Variants in KDM4C observed in about 807,000 individuals in gnomAD.
The protein encoded by KDM4C is lysine demethylase 4C.
KDM4C carries 81 observed loss-of-function variants against 129.3 expected under a neutral mutation model. That is an observed-to-expected ratio of 0.63 (90% confidence interval 0.52 to 0.75). KDM4C has a LOEUF of 0.75. Among genes scored for constraint, KDM4C ranks in the 30% least tolerant of loss-of-function variants. The pLI, the probability that KDM4C is intolerant of heterozygous loss-of-function variation, is 0.00. For missense variants in KDM4C, 1,457 were observed against 1,304.0 expected (o/e 1.12, Z -1.81); for synonymous variants, 573 against 456.1 (o/e 1.26, Z -3.26).
chr9:6,846,186 G>C (rs993607257), intron 4 of KDM4C, among the ~76,000 whole-genome samples: 11 of 152,318 alleles, frequency 7.2e-5, no homozygotes, highest in African/African-American at 2.6e-4. Context: ...GTTTTGAAAG[G>C]ATCAGGACTA....
In KDM4C at chr9:7,082,631, C is replaced by T. The variant is rs542568437; in HGVS notation, c.2425-21054C>T. On this transcript the variant is annotated intron_variant, in intron 17 of 21. Transcript: ENST00000381309. ...TGAGAGTCTTGCTTTGTTCCCTCAG[C>T]TGGCATTTGTCTGCTGACTTGACAC... 2.6e-5 allele frequency among the ~76,000 whole-genome samples: 4 copies of T among 152,310 alleles called. No homozygotes were observed. The South Asian group carries it at 8.3e-4, about 32-fold the overall frequency.
At chr9:7,112,865 A>T (rs1233028460) in intron 18 of KDM4C, among the ~76,000 whole-genome samples, 1 of 152,152 alleles carries the variant, frequency 6.6e-6, no homozygotes, top group Non-Finnish European at 1.5e-5. Context: ...TGTCTCTAAG[A>T]TCCTGGGTGT....
chr9:6,792,931 A>G, intron 1 of KDM4C, 41 bp from the exon 2 acceptor site: 2 of 1,600,362 alleles, frequency 1.2e-6, no homozygotes, highest in Non-Finnish European at 1.7e-6. Flanking sequence ...CCTAAAGCAT[A>G]TAATAATTCA....
chr9:6,803,010 G>A (rs1472814957), intron 2 of KDM4C, among the ~76,000 whole-genome samples: 1 of 152,202 alleles, frequency 6.6e-6, no homozygotes, highest in Non-Finnish European at 1.5e-5. Context: ...TGCAAAACTG[G>A]TGTATAGGTA....
At chr9:6,760,865 C>A (rs546770154) in intron 1 of KDM4C, among the ~76,000 whole-genome samples, 135 of 152,110 alleles carry the variant, frequency 8.9e-4, no homozygotes, top group Non-Finnish European at 1.5e-3. Context: ...AGCCACCGTG[C>A]CTGGCTTGGT....
intron 8 of KDM4C, among the ~76,000 whole-genome samples, chr9:6,963,333 G>A (rs1456702546): frequency 1.3e-5 from 2 of 152,192 alleles, no homozygotes; most frequent in Non-Finnish European, 2.9e-5. Context: ...AATTCATGCA[G>A]TAAATATTTA....
chr9:6,882,397 G>A (rs577136856), intron 6 of KDM4C, among the ~76,000 whole-genome samples: 12 of 152,298 alleles, frequency 7.9e-5, no homozygotes, highest in African/African-American at 2.4e-4. Flanking sequence ...TAATATTGCT[G>A]TTATATTAAG....
intron 19 of KDM4C, among the ~76,000 whole-genome samples, chr9:7,152,894 T>C (rs1330223460): frequency 5.9e-5 from 9 of 152,158 alleles, no homozygotes; most frequent in African/African-American, 2.2e-4. Flanking sequence ...GTATAGGATG[T>C]CCTAATTCTT....
intron 2 of KDM4C, among the ~76,000 whole-genome samples, chr9:6,801,368 G>A (rs1403259880): frequency 6.7e-6 from 1 of 148,546 alleles, no homozygotes; most frequent in East Asian, 2.0e-4. Context: ...AGAGTAGCTG[G>A]GACTACAGGT....
chr9:7,120,955 A>G (rs1839423783), intron 18 of KDM4C, among the ~76,000 whole-genome samples: 1 of 152,222 alleles, frequency 6.6e-6, no homozygotes, highest in African/African-American at 2.4e-5. Flanking sequence ...TTTTATATGT[A>G]GTATTTCAGA....
intron 1 of KDM4C, among the ~76,000 whole-genome samples, chr9:6,760,053 T>G (rs1218268563): frequency 1.3e-5 from 2 of 152,070 alleles, no homozygotes; most frequent in Non-Finnish European, 2.9e-5. Flanking sequence ...TTTTGAATTT[T>G]TTTAATCCCC....
intron 17 of KDM4C, among the ~76,000 whole-genome samples, chr9:7,068,170 A>G (rs1832702414): frequency 6.6e-6 from 1 of 152,098 alleles, no homozygotes; most frequent in Non-Finnish European, 1.5e-5. Flanking sequence ...TAGATTTAGG[A>G]GTCTTTAAAT....
chr9:6,934,843 T>A (rs1335769328), intron 8 of KDM4C, among the ~76,000 whole-genome samples: 1 of 152,080 alleles, frequency 6.6e-6, no homozygotes, highest in Non-Finnish European at 1.5e-5. Context: ...ATTACCAAGA[T>A]GAGGCAAAGT....
At chr9:6,723,719 G>A (rs960403381) in intron 1 of KDM4C, 1 of 151,582 alleles carries the variant, frequency 6.6e-6, no homozygotes, top group Admixed American at 6.6e-5. Flanking sequence ...TGCCTCTAAC[G>A]AAGGAAAGGA....
chr9:6,876,043 T>C (rs1272292164), intron 5 of KDM4C, among the ~76,000 whole-genome samples: 1 of 151,942 alleles, frequency 6.6e-6, no homozygotes, highest in Non-Finnish European at 1.5e-5. Flanking sequence ...GAGAGTTGAG[T>C]TTTGGATATT....
intron 8 of KDM4C, among the ~76,000 whole-genome samples, chr9:6,921,952 A>G (rs1821598859): frequency 6.6e-6 from 1 of 152,120 alleles, no homozygotes; most frequent in Non-Finnish European, 1.5e-5. Flanking sequence ...TCTCTGAAGT[A>G]TTGTTCAAAT....
intron 19 of KDM4C, among the ~76,000 whole-genome samples, chr9:7,147,740 A>C (rs1368228860): frequency 6.6e-6 from 1 of 152,182 alleles, no homozygotes; most frequent in Non-Finnish European, 1.5e-5. Context: ...AGGCAGACCC[A>C]GGGTGCTCCT....
At chr9:7,104,605 A>G (rs10491781) in intron 18 of KDM4C, among the ~76,000 whole-genome samples, 70,765 of 151,974 alleles carry the variant, frequency 0.47, 16,938 homozygotes, top group East Asian at 0.75. Context: ...ATGCTTAGAA[A>G]TATTATGACA....
At chr9:6,879,480 A>G (rs972022656) in intron 5 of KDM4C, among the ~76,000 whole-genome samples, 2 of 152,198 alleles carry the variant, frequency 1.3e-5, no homozygotes, top group Non-Finnish European at 2.9e-5. Flanking sequence ...AGTCTGTTTG[A>G]AAATTACGGT....
Sources: allele counts gnomAD v4.1 joint callset (sites outside exome capture counted in the v4.1 genomes callset), GRCh38; gene constraint gnomAD v4.1.1; transcripts MANE v1.5; gene names NCBI Gene and HGNC (gene_info 2026-07-23, HGNC 2026-07-21).